ADCY1: variants seen among roughly 807,000 people sequenced by gnomAD.
The protein encoded by ADCY1 is adenylate cyclase 1.
ADCY1 carries 28 observed loss-of-function variants against 105.4 expected under a neutral mutation model. The ratio of observed to expected loss-of-function variants is 0.27; its 90% CI spans 0.20 to 0.36. ADCY1 has a LOEUF of 0.36. ADCY1 is among the 10% of genes least tolerant of loss of function. The pLI, the probability that ADCY1 is intolerant of heterozygous loss-of-function variation, is 1.00. For missense variants in ADCY1, 977 were observed against 1,434.2 expected, an observed-to-expected ratio of 0.68 and a Z score of 5.15; for synonymous variants, 655 against 623.8, an observed-to-expected ratio of 1.05 and a Z score of -0.75.
intron 1 of ADCY1, among the ~76,000 whole-genome samples, chr7:45,580,779 C>A (rs1478041887): frequency 6.6e-6 from 1 of 152,194 alleles, no homozygotes; most frequent in Non-Finnish European, 1.5e-5. Context: ...TGAGTGTGGC[C>A]ACCAGGAGGT....
At position 45,610,395 on chromosome 7, in the gene ADCY1, G is replaced by GCC; in HGVS notation, c.807_808dup (p.Leu270ProfsTer11). ...TCTGTCCAGGAGCGGCTCCTCATGA[G>GCC]CCTCCTGCCCCGGAACGTTGCCATG... is the stretch of plus-strand genomic sequence containing the variant. On this transcript the variant is annotated frameshift_variant, in exon 3 of 20. Coordinates refer to ENST00000297323, the MANE Select transcript of ADCY1 (RefSeq NM_021116.4). LOFTEE classifies it high-confidence loss of function. 2 of 1,613,890 alleles carry GCC rather than the reference G, an allele frequency of 1.2e-6. No individual in the cohort carries two copies. Among genetic ancestry groups the GCC allele is most frequent in the Non-Finnish European group, 1.7e-6 (2 of 1,179,982 alleles).
chr7:45,678,717 A>AG (rs1303694592), intron 10 of ADCY1, among the ~76,000 whole-genome samples: 1 of 149,652 alleles, frequency 6.7e-6, no homozygotes, highest in East Asian at 2.0e-4. Flanking sequence ...CTATCTACAA[A>AG]AAAAAAAAAA....
chr7:45,664,330 G>A (rs995360768), intron 8 of ADCY1: 5 of 1,536,102 alleles, frequency 3.3e-6, no homozygotes, highest in Non-Finnish European at 4.4e-6. Context: ...ATGTCCTCCT[G>A]GGGTTTTGGT....
At position 45,686,944 on chromosome 7, in the gene ADCY1, T is replaced by C. The variant is rs556387314; in HGVS notation, c.2454+271T>C. ...ACCTGCCTGATGGTCAGAGCGTGGC[T>C]CTTTCACGAGGCAGTGAGTCCCCCT... On this transcript the variant is annotated intron_variant, in intron 14 of 19. Coordinates refer to ENST00000297323, the MANE Select transcript of ADCY1 (RefSeq NM_021116.4). The surrounding 1 kb of genome is among the most constrained non-coding windows in gnomAD (Gnocchi z 4.3). Among the ~76,000 whole-genome samples, 139 of 152,236 alleles carry C rather than the reference T, an allele frequency of 9.1e-4. No homozygotes were observed. Among genetic ancestry groups the C allele is most frequent in the African/African-American group, 3.3e-3 (135 of 41,536 alleles).
intron 2 of ADCY1, among the ~76,000 whole-genome samples, chr7:45,600,027 C>T (rs1245860739): frequency 2.0e-5 from 3 of 152,218 alleles, no homozygotes; most frequent in Non-Finnish European, 4.4e-5. Context: ...CTTGGTTCTC[C>T]CTGATGGAAC....
chr7:45,647,158 G>A lies in ADCY1; in HGVS notation c.1021-1512G>A, dbSNP rs550427603. On this transcript the variant is annotated intron_variant, in intron 4 of 19. Coordinates refer to ENST00000297323, the MANE Select transcript of ADCY1 (RefSeq NM_021116.4). The surrounding 1 kb of genome is among the most constrained non-coding windows in gnomAD (Gnocchi z 4.6). Reference sequence around the variant, plus strand: ...AACGCCAGGCCTGAGGGCAGCTCAGGACAACAGCAGGGTCATCAGCTGTCT... The same window carrying A: ...AACGCCAGGCCTGAGGGCAGCTCAGAACAACAGCAGGGTCATCAGCTGTCT... 6.6e-6 allele frequency among the ~76,000 whole-genome samples: 1 copy of A among 152,358 alleles called. No individual in the cohort carries two copies. The highest frequency in any genetic ancestry group is 2.1e-4 in the South Asian group (1 of 4,826).
rs75699050 is a variant in ADCY1, at chr7:45,643,884, A to G, written c.1021-4786A>G. Among the ~76,000 whole-genome samples, 1,748 of 152,246 alleles carry G rather than the reference A, an allele frequency of 0.011. 58 individuals are homozygous for G. The East Asian group carries it at 0.13, about 11-fold the overall frequency. On this transcript the variant is annotated intron_variant, in intron 4 of 19. Transcript: ENST00000297323. ...TCCCAACAGGGCACGCTGATTCCTCAGTCCTCCCCTGAGGCAGGGAGGCTT... is the reference window on the plus strand; with the variant it reads ...TCCCAACAGGGCACGCTGATTCCTCGGTCCTCCCCTGAGGCAGGGAGGCTT...
At chr7:45,611,489 T>C (rs767312513) in intron 3 of ADCY1, among the ~76,000 whole-genome samples, 2 of 152,134 alleles carry the variant, frequency 1.3e-5, no homozygotes, top group Non-Finnish European at 2.9e-5. Flanking sequence ...ATGCTAGTTG[T>C]TGCTGGGTCT....
At chr7:45,652,201 C>T (rs1413958147) in intron 5 of ADCY1, among the ~76,000 whole-genome samples, 1 of 152,170 alleles carries the variant, frequency 6.6e-6, no homozygotes, top group African/African-American at 2.4e-5. Context: ...GACATCCACC[C>T]CCATGATCCA....
intron 5 of ADCY1, among the ~76,000 whole-genome samples, chr7:45,655,067 T>C (rs1353635219): frequency 6.6e-6 from 1 of 152,360 alleles, no homozygotes; most frequent in East Asian, 1.9e-4. Context: ...TTCTCTTTTT[T>C]TCCCCCTGTT....
rs1472768805 is a variant in ADCY1 at position 45,719,285 on chromosome 7, C to T, written c.*5290C>T. 1 of 152,326 alleles carries T rather than the reference C, an allele frequency of 6.6e-6. No individual in the cohort carries two copies. Among genetic ancestry groups the T allele is most frequent in the African/African-American group, 2.4e-5 (1 of 41,464 alleles). 9.4% of individuals were successfully genotyped at this position (152,326 alleles called of 1,614,324 possible). A position where few individuals can be genotyped will look rare whatever the true frequency, so the allele number is the denominator to read the frequency against. On this transcript the variant is annotated 3_prime_UTR_variant, in exon 20 of 20. Transcript: ENST00000297323. Reference sequence around the variant, plus strand: ...ACGGTGGGGAGCTTGGAGCCCTCCGCTCACCTAGAGGAGCCCTGGGACACG... The same window carrying T: ...ACGGTGGGGAGCTTGGAGCCCTCCGTTCACCTAGAGGAGCCCTGGGACACG...
intron 3 of ADCY1, among the ~76,000 whole-genome samples, chr7:45,621,984 G>A (rs568670853): frequency 6.0e-4 from 91 of 152,294 alleles, no homozygotes; most frequent in Non-Finnish European, 1.5e-5. Flanking sequence ...CAGAAAACAT[G>A]AAAGTTCTGC....
Position 45,722,169 on chromosome 7 carries a change from C to T in ADCY1, c.*8174C>T, listed in dbSNP as rs1250949382. 7.8e-6 allele frequency: 2 copies of T among 254,964 alleles called. No individual in the cohort carries two copies. The highest frequency in any genetic ancestry group is 4.4e-5 in the African/African-American group (2 of 45,480). 15.8% of individuals were successfully genotyped at this position (254,964 alleles called of 1,614,324 possible). On this transcript the variant is annotated 3_prime_UTR_variant, in exon 20 of 20. Coordinates refer to ENST00000297323, the MANE Select transcript of ADCY1 (RefSeq NM_021116.4). ...CACATTGGGGGATCCTGAGGGAGCCCATCACCGCCTCTTGCATACAACTGT... is the reference window on the plus strand; with the variant it reads ...CACATTGGGGGATCCTGAGGGAGCCTATCACCGCCTCTTGCATACAACTGT...
At chr7:45,589,894 G>T (rs891154282) in intron 1 of ADCY1, among the ~76,000 whole-genome samples, 2 of 152,144 alleles carry the variant, frequency 1.3e-5, no homozygotes, top group African/African-American at 4.8e-5. Context: ...TCCAGTGGGA[G>T]TGTTGGTTTC....
intron 8 of ADCY1, among the ~76,000 whole-genome samples, chr7:45,671,071 T>C (rs1784356507): frequency 6.6e-6 from 1 of 152,198 alleles, no homozygotes; most frequent in Non-Finnish European, 1.5e-5. Context: ...CAGCAGAGAT[T>C]TGCGCTGGCA....
At chr7:45,587,046 G>C (rs1298908043) in intron 1 of ADCY1, among the ~76,000 whole-genome samples, 1 of 152,228 alleles carries the variant, frequency 6.6e-6, no homozygotes, top group Non-Finnish European at 1.5e-5. Flanking sequence ...CTGTGCTGGG[G>C]CAGCCCGGGT....
In ADCY1 at chr7:45,712,676, A is replaced by G. The variant is rs574374637; in HGVS notation, c.3058-1017A>G. On this transcript the variant is annotated intron_variant, in intron 19 of 19. Coordinates refer to ENST00000297323, the MANE Select transcript of ADCY1 (RefSeq NM_021116.4). Reference sequence around the variant, plus strand: ...TTTGGTTCTTTTAACAAACGATGCCAGGGTTTGAATGGACTGTGTGTGTGG... The same window carrying G: ...TTTGGTTCTTTTAACAAACGATGCCGGGGTTTGAATGGACTGTGTGTGTGG... 6.6e-5 allele frequency among the ~76,000 whole-genome samples: 10 copies of G among 152,234 alleles called. 1 individual carries two copies. In the East Asian group the frequency reaches 1.5e-3, roughly 24 times the overall value.
At chr7:45,700,283 C>G (rs1466938564) in intron 14 of ADCY1, among the ~76,000 whole-genome samples, 1 of 152,228 alleles carries the variant, frequency 6.6e-6, no homozygotes, top group Non-Finnish European at 1.5e-5. Context: ...ACGTGCATCA[C>G]TTCTTACTTG....
intron 2 of ADCY1, 85 bp from the exon 3 acceptor site, chr7:45,610,294 G>C: frequency 8.0e-7 from 1 of 1,249,444 alleles, no homozygotes; most frequent in Non-Finnish European, 1.1e-6. Context: ...TCAGGGGCCC[G>C]GCGCCCTTAC....
Sources: gnomAD v4.1 joint callset for allele counts (sites outside exome capture counted in the v4.1 genomes callset) on GRCh38, gnomAD v4.1.1 for gene constraint, Gnocchi (gnomAD v3.1) non-coding constraint, MANE v1.5 for transcripts, NCBI Gene and HGNC (gene_info 2026-07-23, HGNC 2026-07-21) for gene names.